Variants in NF1 observed in about 807,000 individuals in gnomAD.
The protein encoded by NF1 is neurofibromin.
A neutral mutation model predicts 325.7 loss-of-function variants in NF1; 122 were observed. The observed-to-expected ratio is 0.37, with a 90% CI of 0.32 to 0.44. NF1 has a LOEUF of 0.44. NF1 is among the 20% of genes least tolerant of loss of function. The pLI, the probability that NF1 is intolerant of heterozygous loss-of-function variation, is 1.00. For synonymous variants in NF1, 1,091 were observed against 1,186.0 expected, an observed-to-expected ratio of 0.92 and a Z score of 1.65; for missense variants, 2,140 against 3,415.4, an observed-to-expected ratio of 0.63 and a Z score of 9.31.
rs2066814574 is a variant in NF1 at position 31,216,053 on chromosome 17, C to A, written c.1527+1468C>A. On this transcript the variant is annotated intron_variant, in intron 13 of 57. Coordinates refer to ENST00000358273, the MANE Select transcript of NF1 (RefSeq NM_001042492.3). ...GAAAGTCTAATTAGAATAAACAGATCTTTGGCATGAAAAAATTCCATAAAA... is the reference window on the plus strand; with the variant it reads ...GAAAGTCTAATTAGAATAAACAGATATTTGGCATGAAAAAATTCCATAAAA... Among the ~76,000 whole-genome samples, 3 of 152,118 alleles carry A rather than the reference C, an allele frequency of 2.0e-5. No homozygotes were observed. In the South Asian group the frequency reaches 6.2e-4, roughly 32 times the overall value.
At chr17:31,117,746 T>C (rs905082177) in intron 1 of NF1, among the ~76,000 whole-genome samples, 5 of 145,180 alleles carry the variant, frequency 3.4e-5, no homozygotes, top group African/African-American at 1.2e-4. Flanking sequence ...TAAATATTTG[T>C]TGAATGAATG....
chr17:31,316,915 G>A (rs1025419784), intron 36 of NF1, among the ~76,000 whole-genome samples: 1 of 152,112 alleles, frequency 6.6e-6, no homozygotes, highest in African/African-American at 2.4e-5. Flanking sequence ...ACCAAGAGCA[G>A]TTATCACCTT....
chr17:31,219,976 T>C (rs1597704568), intron 14 of NF1, among the ~76,000 whole-genome samples: 1 of 152,190 alleles, frequency 6.6e-6, no homozygotes, highest in Non-Finnish European at 1.5e-5. Context: ...TTTGGTGTTG[T>C]TTCTACTTTT....
chr17:31,221,814 T>G, intron 14 of NF1, 36 bp from the exon 15 acceptor site: 1 of 1,463,768 alleles, frequency 6.8e-7, no homozygotes, highest in East Asian at 2.3e-5. Context: ...TTTGAGTGAG[T>G]CTTCTCTTTG....
At chr17:31,272,943 TA>T (rs1291170305) in intron 36 of NF1, among the ~76,000 whole-genome samples, 1 of 152,178 alleles carries the variant, frequency 6.6e-6, no homozygotes, top group Non-Finnish European at 1.5e-5. Flanking sequence ...ACACAAGACC[TA>T]TTTTCTATTG....
At chr17:31,324,554 A>G (rs1023506345) in intron 36 of NF1, among the ~76,000 whole-genome samples, 2 of 151,926 alleles carry the variant, frequency 1.3e-5, no homozygotes, top group South Asian at 2.1e-4. Context: ...CTAACAATAC[A>G]TATATTATTT....
intron 29 of NF1, among the ~76,000 whole-genome samples, chr17:31,242,305 CTTTTTTTTTTTT>C (rs200376987): frequency 2.5e-4 from 17 of 68,862 alleles, no homozygotes; most frequent in South Asian, 1.1e-3. Flanking sequence ...CATAAGTTCT[CTTTTTTTTTTTT>C]TTTTTTTTTT....
chr17:31,138,092 T>C (rs990469071), intron 1 of NF1: 1 of 152,144 alleles, frequency 6.6e-6, no homozygotes, highest in Non-Finnish European at 1.5e-5. Flanking sequence ...CTTCTTGTGT[T>C]ATTCTCTGGC....
chr17:31,319,091 G>A lies in NF1; in HGVS notation c.4836-6729G>A. On this transcript the variant is annotated intron_variant, in intron 36 of 57. Coordinates refer to ENST00000358273, the MANE Select transcript of NF1 (RefSeq NM_001042492.3). ...ATGGATCCTAGTTTTGGTAATTGTAGTTAAAAGATAGTGTTGAGATGTTAC... is the reference window on the plus strand; with the variant it reads ...ATGGATCCTAGTTTTGGTAATTGTAATTAAAAGATAGTGTTGAGATGTTAC... 8.8e-6 allele frequency: 13 copies of A among 1,472,356 alleles called. 1 individual carries two copies. In the South Asian group the frequency reaches 1.7e-4, roughly 20 times the overall value. 91.2% of individuals were successfully genotyped at this position (1,472,356 alleles called of 1,614,324 possible).
In NF1 at chr17:31,338,704, G is replaced by T. The variant is rs1555535023; in HGVS notation, c.6820G>T (p.Ala2274Ser). 6.2e-7 allele frequency: 1 copy of T among 1,608,746 alleles called. No homozygotes were observed. The highest frequency in any genetic ancestry group is 8.5e-7 in the Non-Finnish European group (1 of 1,175,472). ...IKQIIRILSK[A>S]LESCLKGPDT... ...ATAAAAAATTCTGTTTTCCTAAAAG[G>T]CACTTGAGAGTTGCTTAAAAGGACC... Residue 2274 changes from alanine (A) to serine (S), a missense_variant and splice_region_variant, in exon 46 of 58, where the codon GCA becomes TCA. Physicochemically the swap from Ala to Ser is moderately conservative, Grantham distance 99. Transcript: ENST00000358273.
chr17:31,298,363 C>A (rs1356024855), intron 36 of NF1, among the ~76,000 whole-genome samples: 2 of 152,008 alleles, frequency 1.3e-5, no homozygotes, highest in African/African-American at 2.4e-5. Context: ...ATTTTCGTTA[C>A]CAAGTGGCAC....
intron 35 of NF1, among the ~76,000 whole-genome samples, chr17:31,263,067 GTAGA>G (rs1350602193): frequency 7.2e-5 from 10 of 138,750 alleles, no homozygotes; most frequent in South Asian, 2.3e-4. Flanking sequence ...AGGTAGGTAG[GTAGA>G]TAGATAGGTA....
intron 29 of NF1, among the ~76,000 whole-genome samples, chr17:31,243,638 A>C (rs1173915263): frequency 2.6e-5 from 4 of 151,142 alleles, no homozygotes; most frequent in Non-Finnish European, 5.9e-5. Context: ...ACTGATGTTC[A>C]CTCAAGGCCC....
chr17:31,141,575 T>C (rs1246002999), intron 1 of NF1, among the ~76,000 whole-genome samples: 1 of 152,214 alleles, frequency 6.6e-6, no homozygotes, highest in East Asian at 1.9e-4. Flanking sequence ...TTTCTAACTT[T>C]TCAGCACTTA....
intron 1 of NF1, among the ~76,000 whole-genome samples, chr17:31,105,992 G>C: frequency 6.6e-6 from 1 of 152,188 alleles, no homozygotes; most frequent in East Asian, 1.9e-4. Context: ...TTTATACTCA[G>C]ATAATGACCT....
intron 36 of NF1, chr17:31,321,518 C>G (rs1273978494): frequency 6.6e-6 from 1 of 152,112 alleles, no homozygotes; most frequent in Non-Finnish European, 1.5e-5. Context: ...TGGTCAAAAT[C>G]TGATTATAAC....
chr17:31,209,196 A>AC (rs1489909236), intron 12 of NF1, among the ~76,000 whole-genome samples: 1 of 151,926 alleles, frequency 6.6e-6, no homozygotes, highest in Non-Finnish European at 1.5e-5. Context: ...GGACAAAATC[A>AC]CCCCCAGTTG....
chr17:31,205,872 C>A (rs1010756349), intron 11 of NF1, among the ~76,000 whole-genome samples: 2 of 150,568 alleles, frequency 1.3e-5, no homozygotes, highest in East Asian at 1.9e-4. Flanking sequence ...CATGTATGCA[C>A]GTGTGCCAGA....
Position 31,219,049 on chromosome 17 carries a change from A to G in NF1, c.1572A>G (p.Glu524=), listed in dbSNP as rs1261222120. 6.2e-7 allele frequency: 1 copy of G among 1,613,940 alleles called. No homozygotes were observed. The highest frequency in any genetic ancestry group is 8.5e-7 in the Non-Finnish European group (1 of 1,179,928). The change falls in exon 14 of 58, where the codon GAA becomes GAG. Residue 524 remains glutamate (E), a synonymous_variant. Coordinates refer to ENST00000358273, the MANE Select transcript of NF1 (RefSeq NM_001042492.3). The part of the protein sequence containing the change: ...QGPETQGSTA[E]LITGLVQLVP... ...CCGAAACCCAAGGCAGTACAGCAGA[A>G]TTAATTACAGGGCTCGTCCAACTGG... is the stretch of plus-strand genomic sequence containing the variant.
Sources: allele counts gnomAD v4.1 joint callset (sites outside exome capture counted in the v4.1 genomes callset), GRCh38; gene constraint gnomAD v4.1.1; transcripts MANE v1.5; gene names NCBI Gene and HGNC (gene_info 2026-07-23, HGNC 2026-07-21).